KY: variants seen among roughly 807,000 people sequenced by gnomAD.
The protein encoded by KY is kyphoscoliosis peptidase.
A neutral mutation model predicts 76.1 loss-of-function variants in KY; 43 were observed. That is an observed-to-expected ratio of 0.57 (90% confidence interval 0.44 to 0.73). The LOEUF is 0.73. KY is among the 30% of genes least tolerant of loss of function. The probability of loss-of-function intolerance (pLI) is 0.00; values close to 1 mark genes in which losing one functional copy is unlikely to be tolerated. For synonymous variants in KY, 277 were observed against 326.2 expected (o/e 0.85, Z 1.63); for missense variants, 722 against 828.9 (o/e 0.87, Z 1.58).
chr3:134,614,430 C>A (rs1387812194), intron 8 of KY, among the ~76,000 whole-genome samples: 1 of 152,052 alleles, frequency 6.6e-6, no homozygotes, highest in Non-Finnish European at 1.5e-5. Flanking sequence ...AACAAGCTGC[C>A]AAGGAGCACC....
intron 1 of KY, among the ~76,000 whole-genome samples, chr3:134,649,416 G>A (rs1324924999): frequency 6.6e-6 from 1 of 152,186 alleles, no homozygotes; most frequent in South Asian, 2.1e-4. Context: ...GGGAGTAGGG[G>A]ACTCGTGGGC....
At chr3:134,609,861 A>G in intron 9 of KY, among the ~76,000 whole-genome samples, 1 of 152,226 alleles carries the variant, frequency 6.6e-6, no homozygotes, top group East Asian at 1.9e-4. Flanking sequence ...AAAGTCTGGA[A>G]GGGAACCTGC....
chr3:134,650,808 G>T lies in KY; in HGVS notation c.136+17C>A, dbSNP rs1966869684. 1.3e-6 allele frequency: 2 copies of T among 1,560,330 alleles called. No homozygotes were observed. Among genetic ancestry groups the T allele is most frequent in the African/African-American group, 2.8e-5 (2 of 72,422 alleles). ...AGGTGCCGGGGGACCCGGGGACCCGGGTCGGGCGCGCGTTACCTCCTCCGC... is the reference window on the plus strand; with the variant it reads ...AGGTGCCGGGGGACCCGGGGACCCGTGTCGGGCGCGCGTTACCTCCTCCGC... On this transcript the variant is annotated intron_variant, in intron 1 of 10. Transcript: ENST00000423778.
chr3:134,623,802 G>C (rs1963033055), intron 6 of KY, among the ~76,000 whole-genome samples: 1 of 152,138 alleles, frequency 6.6e-6, no homozygotes, highest in African/African-American at 2.4e-5. Context: ...AGCTCACGCT[G>C]TTGACCACGT....
intron 3 of KY, among the ~76,000 whole-genome samples, chr3:134,634,829 T>G (rs1964711154): frequency 6.6e-6 from 1 of 152,214 alleles, no homozygotes; most frequent in Admixed American, 6.5e-5. Context: ...TTTGGTTATA[T>G]GTGGGTGGTC....
At chr3:134,607,455 T>C in intron 10 of KY, 7 of 985,644 alleles carry the variant, frequency 7.1e-6, no homozygotes, top group Non-Finnish European at 7.2e-6. Flanking sequence ...CAGTGTGAGC[T>C]CAGACCTCCT....
chr3:134,642,127 G>C (rs1048324640), intron 3 of KY, among the ~76,000 whole-genome samples: 1 of 152,182 alleles, frequency 6.6e-6, no homozygotes, highest in Non-Finnish European at 1.5e-5. Context: ...ACTGTGAGGA[G>C]AGCCAGCTCC....
intron 9 of KY, among the ~76,000 whole-genome samples, chr3:134,609,863 G>T (rs1432303765): frequency 1.3e-5 from 2 of 152,244 alleles, no homozygotes; most frequent in Admixed American, 1.3e-4. Context: ...AGTCTGGAAG[G>T]GAACCTGCCA....
rs1577609014 is a variant in KY, at chr3:134,610,609, C to T, written c.711-226G>A. The T allele has an allele frequency of 1.8e-5, 9 of 498,588 alleles. 1 individual carries two copies. In the South Asian group the frequency reaches 2.7e-4, roughly 15 times the overall value. 30.9% of individuals were successfully genotyped at this position (498,588 alleles called of 1,614,324 possible). On this transcript the variant is annotated intron_variant, in intron 8 of 10. Coordinates refer to ENST00000423778, the MANE Select transcript of KY (RefSeq NM_178554.6). The stretch of plus-strand genomic sequence containing the variant: ...TGGTCCTGTTGGTACAGACTGGCTG[C>T]AGTCTCCGCTGTCTGCTCCTCCCCT...
intron 8 of KY, chr3:134,613,157 A>C (rs1960843687): frequency 6.5e-6 from 1 of 154,328 alleles, no homozygotes; most frequent in Non-Finnish European, 1.5e-5. Context: ...GGACCTCTGG[A>C]CATGCTGCCC....
At chr3:134,646,624 A>G (rs892453513) in intron 2 of KY, among the ~76,000 whole-genome samples, 3 of 152,328 alleles carry the variant, frequency 2.0e-5, no homozygotes. Flanking sequence ...ATGGTAGAAC[A>G]TAGCAGTTTA....
chr3:134,649,608 G>A (rs1329941298), intron 1 of KY, among the ~76,000 whole-genome samples: 1 of 152,162 alleles, frequency 6.6e-6, no homozygotes, highest in East Asian at 1.9e-4. Flanking sequence ...AAGAGCCAAC[G>A]AATCCAAACA....
chr3:134,647,238 G>A (rs924243358), intron 2 of KY, among the ~76,000 whole-genome samples, 197 bp downstream of exon 2: 9 of 152,198 alleles, frequency 5.9e-5, no homozygotes, highest in Non-Finnish European at 1.3e-4. Context: ...CAGCCTCCAG[G>A]AGAGCAGGGG....
chr3:134,627,444 G>A (rs1963604615), intron 5 of KY, among the ~76,000 whole-genome samples: 1 of 152,048 alleles, frequency 6.6e-6, no homozygotes, highest in East Asian at 1.9e-4. Context: ...ACAGACATTT[G>A]GCATTCCATT....
At position 134,644,294 on chromosome 3, in the gene KY, T is replaced by G; in HGVS notation, c.200-916A>C. On this transcript the variant is annotated intron_variant, in intron 2 of 10. Transcript: ENST00000423778. ...ATATTTCTGTCCCTGGGACACAGAG[T>G]TGTCCTCAGAGCCTAGTGGGGTCAG... Among the ~76,000 whole-genome samples the G allele has an allele frequency of 2.0e-5, 3 of 152,268 alleles. No individual in the cohort carries two copies. In the South Asian group the frequency reaches 6.2e-4, roughly 32 times the overall value.
At chr3:134,616,647 G>A (rs779914999) in intron 8 of KY, among the ~76,000 whole-genome samples, 3 of 152,182 alleles carry the variant, frequency 2.0e-5, no homozygotes, top group African/African-American at 2.4e-5. Flanking sequence ...GATGCAAAAT[G>A]TTAGGGAGAG....
Position 134,629,633 on chromosome 3 carries a change from A to G in KY, c.325T>C (p.Ser109Pro), listed in dbSNP as rs987778612. Residue 109 changes from serine to proline, a missense_variant, in exon 4 of 11, where the codon TCC (serine) becomes CCC (proline). Coordinates refer to ENST00000423778, the MANE Select transcript of KY (RefSeq NM_178554.6). ...DAMPQLLKKF[S>P]LAKRLQGDKN... ...GTGTCATACATACGTTTAGCCAAGGAGAACTTCTTGAGCAGCTGGGGCATG... is the reference window on the plus strand; with the variant it reads ...GTGTCATACATACGTTTAGCCAAGGGGAACTTCTTGAGCAGCTGGGGCATG... The G allele has an allele frequency of 1.6e-5, 25 of 1,600,590 alleles. No homozygotes were observed. Among genetic ancestry groups the G allele is most frequent in the Non-Finnish European group, 2.1e-5 (25 of 1,173,324 alleles).
intron 5 of KY, among the ~76,000 whole-genome samples, chr3:134,625,809 A>G (rs545539275): frequency 1.3e-5 from 2 of 152,354 alleles, no homozygotes; most frequent in East Asian, 3.9e-4. Context: ...TCACTCATCT[A>G]TGCTTAGCCT....
chr3:134,622,742 CAG>C (rs1456997118), intron 6 of KY, among the ~76,000 whole-genome samples: 1 of 152,120 alleles, frequency 6.6e-6, no homozygotes, highest in African/African-American at 2.4e-5. Flanking sequence ...CTCAGGGAAA[CAG>C]GGCTGAGGTT....
Sources: gnomAD v4.1 joint callset for allele counts (sites outside exome capture counted in the v4.1 genomes callset) on GRCh38, gnomAD v4.1.1 for gene constraint, MANE v1.5 for transcripts, NCBI Gene and HGNC (gene_info 2026-07-23, HGNC 2026-07-21) for gene names.